The following EML2 variants were observed in gnomAD, a reference collection of about 807,000 sequenced individuals.
The protein encoded by EML2 is echinoderm microtubule-associated protein-like 2.
EML2 carries 59 observed loss-of-function variants against 84.7 expected under a neutral mutation model. The ratio of observed to expected loss-of-function variants is 0.70; its 90% CI spans 0.56 to 0.86. The LOEUF is 0.86. Among genes scored for constraint, EML2 ranks in the 40% least tolerant of loss-of-function variants. EML2 has a pLI of 0.00. For missense variants in EML2, 818 were observed against 855.6 expected, an observed-to-expected ratio of 0.96 and a Z score of 0.55; for synonymous variants, 352 against 348.9, an observed-to-expected ratio of 1.01 and a Z score of -0.10.
chr19:45,638,465 G>T, intron 3 of EML2, 40 bp downstream of exon 3: 1 of 1,613,028 alleles, frequency 6.2e-7, no homozygotes, highest in Non-Finnish European at 8.5e-7. Context: ...TTTCCTCCTG[G>T]GGGGATGGGA....
At chr19:45,620,077 T>C (rs1327537096) in intron 11 of EML2, among the ~76,000 whole-genome samples, 1 of 152,096 alleles carries the variant, frequency 6.6e-6, no homozygotes. Context: ...ATTCAGAGAA[T>C]GTGGTCACAA....
Position 45,634,399 on chromosome 19 carries a change from C to T in EML2, c.252G>A (p.Val84=), listed in dbSNP as rs1202847919. Residue 84 remains valine (V), a synonymous_variant, in exon 4 of 19, where the codon GTG becomes GTA. Coordinates refer to ENST00000245925, the MANE Select transcript of EML2 (RefSeq NM_012155.4). The part of the protein sequence containing the change: ...LLPTGEIVYF[V]ASVAVLYSVE... ...CGCTGTATAGCACGGCTACGGAGGC[C>T]ACAAAGTACACTATCTCCCCGGTGG... 6.2e-7 allele frequency: 1 copy of T among 1,614,088 alleles called. No individual in the cohort carries two copies. Among genetic ancestry groups the T allele is most frequent in the Non-Finnish European group, 8.5e-7 (1 of 1,179,996 alleles).
rs942571031 is a variant in EML2 at position 45,634,900 on chromosome 19, C to T, written c.180-429G>A. ...GCAGTCTCGCTCTGTCTCCAGGCAG[C>T]AGTGCAGTGGTGCAATCTCAGCTCA... On this transcript the variant is annotated intron_variant, in intron 3 of 18. Coordinates refer to ENST00000245925, the MANE Select transcript of EML2 (RefSeq NM_012155.4). 4.6e-5 allele frequency among the ~76,000 whole-genome samples: 7 copies of T among 150,976 alleles called. No homozygotes were observed. In the South Asian group the frequency reaches 1.5e-3, roughly 32 times the overall value.
upstream of EML2, chr19:45,645,381 G>A (rs1974958219): frequency 2.0e-6 from 3 of 1,513,438 alleles, no homozygotes; most frequent in Non-Finnish European, 2.6e-6. Context: ...GTCCCAGCCC[G>A]GGCCCGGTCC....
At chr19:45,613,218 C>T (rs992779523) in intron 18 of EML2, among the ~76,000 whole-genome samples, 1 of 152,238 alleles carries the variant, frequency 6.6e-6, no homozygotes, top group African/African-American at 2.4e-5. Flanking sequence ...CTTAAAAACT[C>T]ATAAGATCTG....
At chr19:45,609,835 G>A in intron 18 of EML2, 47 bp from the exon 19 acceptor site, 1 of 1,596,640 alleles carries the variant, frequency 6.3e-7, no homozygotes, top group Non-Finnish European at 8.5e-7. Context: ...TGGGGACAAT[G>A]CCACCCCATC....
rs150328865 is a variant in EML2 at position 45,633,103 on chromosome 19, C to G, written c.366G>C (p.Thr122=). ...CCTTAGTGGTTCCCGCCACCTGTCCCGTGGCGATGGTGACCATATCTGGGT... is the reference window on the plus strand; with the variant it reads ...CCTTAGTGGTTCCCGCCACCTGTCCGGTGGCGATGGTGACCATATCTGGGT... The part of the protein sequence containing the change: ...AIHPDMVTIA[T]GQVAGTTKEG... Residue 122 remains threonine (T), a synonymous_variant, in exon 5 of 19, where the codon ACG becomes ACC. Coordinates refer to ENST00000245925, the MANE Select transcript of EML2 (RefSeq NM_012155.4). 1.1e-4 allele frequency: 181 copies of G among 1,600,826 alleles called. 1 individual carries two copies. The African/African-American group carries it at 2.3e-3, about 20-fold the overall frequency.
chr19:45,639,877 C>T (rs1270538842), upstream of EML2: 1 of 152,228 alleles, frequency 6.6e-6, no homozygotes, highest in South Asian at 2.1e-4. Flanking sequence ...GCCTGTAATC[C>T]CAGCTACTTG....
Position 45,619,139 on chromosome 19 carries a change from A to T in EML2, c.1175T>A (p.Phe392Tyr), listed in dbSNP as rs754297227. The T allele has an allele frequency of 3.7e-6, 6 of 1,612,544 alleles. No individual in the cohort carries two copies. The Middle Eastern group carries it at 5.7e-4, about 154-fold the overall frequency. The change falls in exon 12 of 19, where the codon TTT (phenylalanine) becomes TAT (tyrosine). Residue 392 changes from phenylalanine (F) to tyrosine (Y), a missense_variant. By Grantham distance (22) the Phe-to-Tyr change is conservative (BLOSUM62 3). Transcript: ENST00000245925. ...GLATHPSRAQ[F>Y]VTCGQDKLVH... Reference sequence around the variant, plus strand: ...CAGCTTATCCTGCCCGCAGGTCACAAACTGGGCCCGACTGGGGTGTGTGGC... The same window carrying T: ...CAGCTTATCCTGCCCGCAGGTCACATACTGGGCCCGACTGGGGTGTGTGGC...
At chr19:45,615,710 G>T in intron 16 of EML2, 92 bp downstream of exon 16, 2 of 1,129,354 alleles carry the variant, frequency 1.8e-6, no homozygotes, top group Admixed American at 1.7e-5. Context: ...CCAAGGGAGC[G>T]AGGCTTGAAG....
At chr19:45,631,190 G>T (rs1448058154) in intron 6 of EML2, among the ~76,000 whole-genome samples, 3 of 152,008 alleles carry the variant, frequency 2.0e-5, no homozygotes, top group Admixed American at 2.0e-4. Context: ...GGTTAATTTT[G>T]ATTTGGCAAG....
At position 45,616,578 on chromosome 19, in the gene EML2, G is replaced by A. The variant is rs778018008; in HGVS notation, c.1412-20C>T. ...CCCCGTCTGGGGGAGGGGGAGGGGG[G>A]CTATGAGGAGGCACCCAGGCTCCAT... On this transcript the variant is annotated intron_variant, in intron 14 of 18. Coordinates refer to ENST00000245925, the MANE Select transcript of EML2 (RefSeq NM_012155.4). The A allele has an allele frequency of 6.3e-6, 10 of 1,584,158 alleles. No homozygotes were observed. The East Asian group carries it at 1.6e-4, about 25-fold the overall frequency.
Position 45,621,282 on chromosome 19 carries a change from G to A in EML2, c.1047C>T (p.Asp349=), listed in dbSNP as rs757360721. Reference sequence around the variant, plus strand: ...TGCGGGTGGTCCCCACGTACAGTGTGTCTCCGTGGCCCTCTGCCACGGTGC... The same window carrying A: ...TGCGGGTGGTCCCCACGTACAGTGTATCTCCGTGGCCCTCTGCCACGGTGC... The part of the protein sequence containing the change: ...PVRTVAEGHG[D]TLYVGTTRNS... The change falls in exon 11 of 19, where the codon GAC becomes GAT. Residue 349 remains aspartate, a synonymous_variant. Coordinates refer to ENST00000245925, the MANE Select transcript of EML2 (RefSeq NM_012155.4). The A allele has an allele frequency of 6.2e-7, 1 of 1,613,588 alleles. No individual in the cohort carries two copies. Among genetic ancestry groups the A allele is most frequent in the East Asian group, 2.2e-5 (1 of 44,878 alleles).
rs1342339309 is a variant in EML2, at chr19:45,639,357, C to A, written c.20G>T (p.Gly7Val). The A allele has an allele frequency of 1.3e-5, 17 of 1,294,810 alleles. No homozygotes were observed. The highest frequency in any genetic ancestry group is 1.7e-5 in the Non-Finnish European group (17 of 1,014,284). 80.2% of individuals were successfully genotyped at this position (1,294,810 alleles called of 1,614,324 possible). MSSFGA[G>V]KTKEVIFSVE... ...GGGGTGGTCTGCGAAAGGGTCTCACCCAGCTCCAAAGCTACTCATGGCGGC... is the reference window on the plus strand; with the variant it reads ...GGGGTGGTCTGCGAAAGGGTCTCACACAGCTCCAAAGCTACTCATGGCGGC... The change falls in exon 1 of 19, where the codon GGC (glycine) becomes GTC (valine). Residue 7 changes from glycine (G) to valine (V), a missense_variant and splice_region_variant. Gly to Val is a moderately radical substitution (Grantham distance 109). Coordinates refer to ENST00000245925, the MANE Select transcript of EML2 (RefSeq NM_012155.4).
chr19:45,644,948 G>T (rs1974917035), upstream of EML2: 3 of 460,322 alleles, frequency 6.5e-6, no homozygotes, highest in South Asian at 1.9e-5. Context: ...GAAGCTTGAG[G>T]GGAGAGAGAA....
chr19:45,616,967 T>C, intron 13 of EML2, 114 bp from the exon 14 acceptor site: 1 of 754,670 alleles, frequency 1.3e-6, no homozygotes. Flanking sequence ...TGACCTGGGC[T>C]GGGCACGGTG....
upstream of EML2, chr19:45,642,443 C>G (rs1372519813): frequency 8.9e-6 from 13 of 1,467,956 alleles, no homozygotes; most frequent in East Asian, 2.5e-5. Flanking sequence ...AAGCGGGGGG[C>G]CAGCCACGCC....
intron 6 of EML2, among the ~76,000 whole-genome samples, 182 bp from the exon 7 acceptor site, chr19:45,630,228 T>G (rs1336043910): frequency 6.6e-6 from 1 of 151,942 alleles, no homozygotes. Context: ...AGGGAGACCC[T>G]GTCTCTTAAA....
chr19:45,636,343 T>C (rs1973722730), intron 3 of EML2, among the ~76,000 whole-genome samples: 1 of 152,234 alleles, frequency 6.6e-6, no homozygotes, highest in Non-Finnish European at 1.5e-5. Flanking sequence ...CTGATAGTTA[T>C]CTGGTTTATT....
Sources: allele counts gnomAD v4.1 joint callset (sites outside exome capture counted in the v4.1 genomes callset), GRCh38; gene constraint gnomAD v4.1.1; transcripts MANE v1.5; gene names NCBI Gene and HGNC (gene_info 2026-07-23, HGNC 2026-07-21).